DDX47: variants seen among roughly 807,000 people sequenced by gnomAD.
DDX47 encodes the protein DEAD-box helicase 47.
Under a neutral mutation model 58.8 loss-of-function variants are expected in DDX47, and 60 were observed. The ratio of observed to expected loss-of-function variants is 1.02; its 90% CI spans 0.83 to 1.26. The LOEUF (loss-of-function observed/expected upper bound fraction) is 1.26, where lower values mean the gene tolerates loss of function less well. DDX47 is among the 50% of genes most tolerant of loss of function. The pLI is 0.00. For missense variants in DDX47, 530 were observed against 573.2 expected, an observed-to-expected ratio of 0.92 and a Z score of 0.77; for synonymous variants, 197 against 204.6, an observed-to-expected ratio of 0.96 and a Z score of 0.32.
rs185303020 is a variant in DDX47, at chr12:12,820,148, A to C, written c.182-1060A>C. 3 of 152,332 alleles carry C rather than the reference A, an allele frequency of 2.0e-5. No individual in the cohort carries two copies. The East Asian group carries it at 5.8e-4, about 29-fold the overall frequency. 9.4% of individuals were successfully genotyped at this position (152,332 alleles called of 1,614,324 possible). On this transcript the variant is annotated intron_variant, in intron 2 of 11. Coordinates refer to ENST00000358007, the MANE Select transcript of DDX47 (RefSeq NM_016355.4). ...ACCTCATGGGCTACAGCCAGCTCGG[A>C]GATAGTGATCTCAACTCAGGAGTTA...
intron 6 of DDX47, among the ~76,000 whole-genome samples, chr12:12,822,950 G>A (rs1469409905): frequency 1.3e-5 from 2 of 152,190 alleles, no homozygotes; most frequent in Non-Finnish European, 2.9e-5. Flanking sequence ...GGCAGAAGGT[G>A]AAGGGGAAGC....
chr12:12,824,504 G>A (rs1863021470), intron 8 of DDX47, 36 bp from the exon 9 acceptor site: 2 of 1,589,940 alleles, frequency 1.3e-6, no homozygotes, highest in Admixed American at 1.9e-5. Context: ...CAAAACATAG[G>A]TTAAGTTTTC....
chr12:12,823,444 G>T, intron 7 of DDX47, 125 bp downstream of exon 7: 1 of 699,270 alleles, frequency 1.4e-6, no homozygotes. Flanking sequence ...GTTTGCTTTA[G>T]AGTGCATATC....
intron 10 of DDX47, 21 bp downstream of exon 10, chr12:12,826,091 G>T: frequency 1.9e-6 from 3 of 1,607,488 alleles, no homozygotes; most frequent in Non-Finnish European, 2.6e-6. Context: ...CAGCTTTAGG[G>T]CCGAGCAATG....
chr12:12,827,869 C>CTTTTTTTTTTTTTTTT (rs1354059622), intron 11 of DDX47, among the ~76,000 whole-genome samples: 1 of 109,708 alleles, frequency 9.1e-6, no homozygotes. Context: ...CAAAACTTTT[C>CTTTTTTTTTTTTTTTT]TTTTTTCTTT....
rs751105557 is a variant in DDX47 at position 12,824,546 on chromosome 12, C to T, written c.904C>T (p.Arg302Cys). The change falls in exon 9 of 12, where the codon CGC (arginine) becomes TGC (cysteine). Residue 302 changes from arginine (R) to cysteine (C), a missense_variant. By Grantham distance (180) the Arg-to-Cys change is radical (BLOSUM62 -3). Coordinates refer to ENST00000358007, the MANE Select transcript of DDX47 (RefSeq NM_016355.4). ...TTCTTTTTCATTACCTCAGAGTAAG[C>T]GCCTAGGATCCCTTAATAAGTTTAA... ...PLHGQMSQSK[R>C]LGSLNKFKAK... is the part of the protein sequence containing the mutation. The T allele has an allele frequency of 1.8e-5, 29 of 1,608,846 alleles. No homozygotes were observed. Among genetic ancestry groups the T allele is most frequent in the South Asian group, 1.2e-4 (11 of 89,794 alleles).
intron 11 of DDX47, 24 bp from the exon 12 acceptor site, chr12:12,829,399 C>T: frequency 6.3e-7 from 1 of 1,590,874 alleles, no homozygotes; most frequent in Admixed American, 1.8e-5. Context: ...ATTTTCAATC[C>T]CATCCTCTCT....
chr12:12,822,832 C>T (rs1248168858), intron 6 of DDX47, 100 bp downstream of exon 6: 42 of 1,011,554 alleles, frequency 4.2e-5, no homozygotes, highest in Non-Finnish European at 6.1e-5. Context: ...AGTCCGTTTT[C>T]ACACTGCTAT....
intron 1 of DDX47, 46 bp from the exon 2 acceptor site, chr12:12,814,084 TA>T (rs1862858493): frequency 8.6e-7 from 1 of 1,163,992 alleles, no homozygotes; most frequent in Non-Finnish European, 1.3e-6. Flanking sequence ...AGGAGGGAGG[TA>T]GGGGTGTGCT....
At chr12:12,826,451 CTT>C (rs58109281) in intron 10 of DDX47, among the ~76,000 whole-genome samples, 1 of 144,604 alleles carries the variant, frequency 6.9e-6, no homozygotes. Context: ...CCCTCCTTTC[CTT>C]TTTTTTTTTG....
intron 2 of DDX47, among the ~76,000 whole-genome samples, chr12:12,815,097 T>C (rs1367715746): frequency 1.3e-5 from 2 of 152,194 alleles, no homozygotes; most frequent in Non-Finnish European, 2.9e-5. Context: ...TTAACTGAAA[T>C]CTATTAAGAT....
In DDX47 at chr12:12,824,578, G is replaced by A. The variant is rs1253638481; in HGVS notation, c.936G>A (p.Lys312=). The part of the protein sequence containing the change: ...RLGSLNKFKA[K]ARSILLATDV... ...GATCCCTTAATAAGTTTAAGGCCAA[G>A]GCCCGTTCCATTCTTCTAGCAACTG... The change falls in exon 9 of 12, where the codon AAG becomes AAA. Residue 312 remains lysine, a synonymous_variant. Coordinates refer to ENST00000358007, the MANE Select transcript of DDX47 (RefSeq NM_016355.4). The A allele has an allele frequency of 1.9e-6, 3 of 1,613,912 alleles. No homozygotes were observed. The African/African-American group carries it at 4.0e-5, about 22-fold the overall frequency.
At chr12:12,823,668 TCTC>T (rs1863006960) in intron 7 of DDX47, 199 bp from the exon 8 acceptor site, 1 of 597,548 alleles carries the variant, frequency 1.7e-6, no homozygotes, top group East Asian at 2.8e-5. Flanking sequence ...TGAGTACAGA[TCTC>T]CTGCCTGCCT....
intron 2 of DDX47, chr12:12,820,258 C>T (rs1862949928): frequency 6.6e-6 from 1 of 152,206 alleles, no homozygotes; most frequent in South Asian, 2.1e-4. Context: ...GAGCATTCTT[C>T]CCTCAGAAGG....
At chr12:12,824,892 G>C in intron 9 of DDX47, 1 of 460,164 alleles carries the variant, frequency 2.2e-6, no homozygotes, top group Non-Finnish European at 3.8e-6. Context: ...AGAGTTATTA[G>C]ATGCTCATAG....
At position 12,821,250 on chromosome 12, in the gene DDX47, C is replaced by T; in HGVS notation, c.224C>T (p.Thr75Ile). 2 of 1,614,232 alleles carry T rather than the reference C, an allele frequency of 1.2e-6. No homozygotes were observed. The highest frequency in any genetic ancestry group is 1.7e-6 in the Non-Finnish European group (2 of 1,180,038). The change falls in exon 3 of 12, where the codon ACA becomes ATA. Residue 75 changes from threonine to isoleucine, a missense_variant. By Grantham distance (89) the Thr-to-Ile change is moderately conservative. Transcript: ENST00000358007. ...CTTGCAGAAACTGGCTCTGGAAAGA[C>T]AGGCGCCTTTGCTTTGCCCATTCTA... Reference protein sequence around the residue: ...IGLAETGSGKTGAFALPILNA... With the variant: ...IGLAETGSGKIGAFALPILNA...
intron 9 of DDX47, 149 bp downstream of exon 9, chr12:12,824,826 C>A: frequency 1.4e-6 from 1 of 735,994 alleles, no homozygotes. Context: ...TCATTCACAT[C>A]ATCTTGCACA....
chr12:12,824,818 A>T, intron 9 of DDX47, 141 bp downstream of exon 9: 1 of 816,308 alleles, frequency 1.2e-6, no homozygotes, highest in Non-Finnish European at 1.9e-6. Context: ...TGGTTAGTTC[A>T]TTCACATCAT....
intron 5 of DDX47, 30 bp from the exon 6 acceptor site, chr12:12,822,631 T>C: frequency 1.9e-6 from 3 of 1,591,062 alleles, no homozygotes; most frequent in Admixed American, 1.7e-5. Flanking sequence ...CTGAATATCA[T>C]ATTGGCATCT....
Sources: gnomAD v4.1 joint callset for allele counts (sites outside exome capture counted in the v4.1 genomes callset) on GRCh38, gnomAD v4.1.1 for gene constraint, MANE v1.5 for transcripts, NCBI Gene and HGNC (gene_info 2026-07-23, HGNC 2026-07-21) for gene names.